The following TMEM108 variants were observed in gnomAD, a reference collection of about 807,000 sequenced individuals.
The protein encoded by TMEM108 is cancer/testis antigen 124.
Under a neutral mutation model 35.1 loss-of-function variants are expected in TMEM108, and 12 were observed. That is an observed-to-expected ratio of 0.34 (90% CI 0.22 to 0.55). The LOEUF is 0.55. Among genes scored for constraint, TMEM108 ranks in the 20% least tolerant of loss-of-function variants. The pLI, the probability that TMEM108 is intolerant of heterozygous loss-of-function variation, is 0.89. For missense variants in TMEM108, 680 were observed against 753.3 expected (o/e 0.90, Z 1.14); for synonymous variants, 287 against 308.6 (o/e 0.93, Z 0.73).
intron 2 of TMEM108, among the ~76,000 whole-genome samples, chr3:133,217,597 G>C (rs1945928152): frequency 6.6e-6 from 1 of 151,876 alleles, no homozygotes; most frequent in South Asian, 2.1e-4. Context: ...TTGGAATTGA[G>C]TTTTATATAT....
At chr3:133,206,421 CCTCAT>C (rs1180054432) in intron 2 of TMEM108, among the ~76,000 whole-genome samples, 4 of 152,204 alleles carry the variant, frequency 2.6e-5, no homozygotes, top group African/African-American at 9.7e-5. Flanking sequence ...GCAGGTTTTT[CCTCAT>C]CTTTGTGGAT....
chr3:133,172,794 T>C (rs1205470361), intron 2 of TMEM108, among the ~76,000 whole-genome samples: 1 of 152,208 alleles, frequency 6.6e-6, no homozygotes, highest in African/African-American at 2.4e-5. Context: ...TCAATTCCCA[T>C]GTATTGCAGG....
In TMEM108 at chr3:133,233,367, A is replaced by G. The variant is rs1576399900; in HGVS notation, c.40+4016A>G. On this transcript the variant is annotated intron_variant, in intron 3 of 5. Coordinates refer to ENST00000321871, the MANE Select transcript of TMEM108 (RefSeq NM_023943.4). Reference sequence around the variant, plus strand: ...ATCCATGTCCCTACAAAGGACATAAACTCATCATTTTTTATGGCTGCATAG... The same window carrying G: ...ATCCATGTCCCTACAAAGGACATAAGCTCATCATTTTTTATGGCTGCATAG... Among the ~76,000 whole-genome samples the G allele has an allele frequency of 2.8e-5, 4 of 144,786 alleles. No individual in the cohort carries two copies. In the South Asian group the frequency reaches 8.7e-4, roughly 32 times the overall value. The allele number at this position is 144,786 out of a possible 152,430, so 95.0% of individuals were successfully genotyped here.
intron 3 of TMEM108, among the ~76,000 whole-genome samples, chr3:133,310,895 G>A (rs192943412): frequency 1.0e-3 from 153 of 152,252 alleles, no homozygotes; most frequent in African/African-American, 3.7e-3. Context: ...GCTTCCTTCA[G>A]GAGCTCTTGT....
intron 2 of TMEM108, among the ~76,000 whole-genome samples, chr3:133,080,502 C>T (rs1943796060): frequency 6.6e-6 from 1 of 152,204 alleles, no homozygotes. Context: ...AATCCTTGTT[C>T]CTTCTTCAAG....
chr3:133,073,650 G>A (rs554926703), intron 2 of TMEM108, among the ~76,000 whole-genome samples: 42 of 150,908 alleles, frequency 2.8e-4, no homozygotes, highest in Middle Eastern at 3.4e-3. Context: ...TCTACATACC[G>A]ATTTCATTTC....
At chr3:133,052,103 A>G (rs1048480105) in intron 2 of TMEM108, among the ~76,000 whole-genome samples, 1 of 152,164 alleles carries the variant, frequency 6.6e-6, no homozygotes, top group Non-Finnish European at 1.5e-5. Flanking sequence ...TATCTTGACA[A>G]TATTGAGTCT....
At chr3:133,044,128 T>C (rs1025362464) in intron 1 of TMEM108, among the ~76,000 whole-genome samples, 2 of 152,244 alleles carry the variant, frequency 1.3e-5, no homozygotes, top group African/African-American at 4.8e-5. Context: ...ATTGCTTTAG[T>C]AGAAGAATAG....
intron 3 of TMEM108, among the ~76,000 whole-genome samples, chr3:133,345,821 G>A (rs1218824762): frequency 1.3e-5 from 2 of 151,936 alleles, no homozygotes; most frequent in Non-Finnish European, 2.9e-5. Flanking sequence ...TTAGAATGCT[G>A]ATTAACAGAT....
intron 3 of TMEM108, among the ~76,000 whole-genome samples, chr3:133,313,697 A>G (rs1576450199): frequency 6.6e-6 from 1 of 151,984 alleles, no homozygotes; most frequent in African/African-American, 2.4e-5. Context: ...TCATCACCCA[A>G]TCAAGATGTT....
In TMEM108 at chr3:133,085,091, C is replaced by T. The variant is rs771033210; in HGVS notation, c.-47+39071C>T. ...ACTCTTCTTTTACTATTTCTTTCTTCGAGGAATAGTTCTTGCTTTTTATAT... is the reference window on the plus strand; with the variant it reads ...ACTCTTCTTTTACTATTTCTTTCTTTGAGGAATAGTTCTTGCTTTTTATAT... On this transcript the variant is annotated intron_variant, in intron 2 of 5. Coordinates refer to ENST00000321871, the MANE Select transcript of TMEM108 (RefSeq NM_023943.4). Among the ~76,000 whole-genome samples the T allele has an allele frequency of 3.3e-5, 5 of 152,126 alleles. No homozygotes were observed. The East Asian group carries it at 5.8e-4, about 18-fold the overall frequency.
At chr3:133,064,818 A>C (rs76356206) in intron 2 of TMEM108, among the ~76,000 whole-genome samples, 4,190 of 151,994 alleles carry the variant, frequency 0.028, 102 homozygotes, top group South Asian at 0.06. Flanking sequence ...GTGTCCCTTC[A>C]TTCTTTACAA....
At chr3:133,257,404 T>C (rs1222245670) in intron 3 of TMEM108, among the ~76,000 whole-genome samples, 2 of 152,238 alleles carry the variant, frequency 1.3e-5, no homozygotes, top group Non-Finnish European at 2.9e-5. Context: ...TAGTTACAAA[T>C]GCATTATTAA....
At chr3:133,121,402 A>G (rs1944350727) in intron 2 of TMEM108, among the ~76,000 whole-genome samples, 1 of 152,226 alleles carries the variant, frequency 6.6e-6, no homozygotes, top group African/African-American at 2.4e-5. Context: ...TGCTCTTGAC[A>G]GCTCTGGAGC....
rs1472142005 is a variant in TMEM108 at position 133,396,033 on chromosome 3, T to G, written c.*47T>G. ...CATTCCGTATTTTTCGTCTCTAAAT[T>G]ATAAATATACAAATACATATATTAT... On this transcript the variant is annotated 3_prime_UTR_variant, in exon 6 of 6. Coordinates refer to ENST00000321871, the MANE Select transcript of TMEM108 (RefSeq NM_023943.4). 7.2e-7 allele frequency: 1 copy of G among 1,397,542 alleles called. No homozygotes were observed. Among genetic ancestry groups the G allele is most frequent in the Non-Finnish European group, 9.5e-7 (1 of 1,057,866 alleles). The allele number at this position is 1,397,542 out of a possible 1,614,324, so 86.6% of individuals were successfully genotyped here. A position where few individuals can be genotyped will look rare whatever the true frequency, so the allele number is the denominator to read the frequency against.
chr3:133,287,791 A>T (rs1337016671), intron 3 of TMEM108, among the ~76,000 whole-genome samples: 1 of 152,220 alleles, frequency 6.6e-6, no homozygotes, highest in African/African-American at 2.4e-5. Flanking sequence ...GTTACCAAAC[A>T]CTCTCAAAAT....
intron 2 of TMEM108, among the ~76,000 whole-genome samples, chr3:133,135,105 A>G (rs562602351): frequency 1.3e-5 from 2 of 150,106 alleles, no homozygotes; most frequent in African/African-American, 4.9e-5. Context: ...CTGTTTATCA[A>G]TATCTTCTCT....
chr3:133,157,021 T>C (rs57866555), intron 2 of TMEM108, among the ~76,000 whole-genome samples: 15,905 of 152,200 alleles, frequency 0.1, 1,015 homozygotes, highest in South Asian at 0.17. Flanking sequence ...TAATGAGATA[T>C]TGGGGTTGTT....
At chr3:133,188,438 T>TA (rs1945453289) in intron 2 of TMEM108, among the ~76,000 whole-genome samples, 1 of 151,236 alleles carries the variant, frequency 6.6e-6, no homozygotes, top group Non-Finnish European at 1.5e-5. Context: ...TTTTTTTTTT[T>TA]ATCCTTAGGA....
Sources: allele counts gnomAD v4.1 joint callset (sites outside exome capture counted in the v4.1 genomes callset), GRCh38; gene constraint gnomAD v4.1.1; transcripts MANE v1.5; gene names NCBI Gene and HGNC (gene_info 2026-07-23, HGNC 2026-07-21).